Variants in ZBTB17 observed in about 807,000 individuals in gnomAD.
ZBTB17 encodes zinc finger and BTB domain-containing protein 17.
In ZBTB17, 24 loss-of-function variants were observed where a neutral mutation model predicts 85.1. The ratio of observed to expected loss-of-function variants is 0.28; its 90% CI spans 0.20 to 0.40. The LOEUF (loss-of-function observed/expected upper bound fraction) is 0.40. Ranked by LOEUF, ZBTB17 falls within the 10% of genes least tolerant of loss-of-function variation. ZBTB17 has a pLI of 1.00. For missense variants in ZBTB17, 743 were observed against 1,105.1 expected (o/e 0.67, Z 4.65); for synonymous variants, 464 against 460.2 (o/e 1.01, Z -0.11).
intron 2 of ZBTB17, among the ~76,000 whole-genome samples, chr1:15,959,527 G>A (rs1041995567): frequency 1.4e-4 from 18 of 132,550 alleles, no homozygotes; most frequent in African/African-American, 5.8e-4. Context: ...GAGGGAGGGA[G>A]GGAGGAAGGG....
chr1:15,945,322 C>G, intron 6 of ZBTB17, 120 bp from the exon 7 acceptor site: 1 of 1,455,454 alleles, frequency 6.9e-7, no homozygotes, highest in Non-Finnish European at 9.0e-7. Flanking sequence ...GGAAAGCCCC[C>G]GGGGGGGCCT....
At chr1:15,943,365 G>A in intron 12 of ZBTB17, 34 bp downstream of exon 12, 1 of 1,581,458 alleles carries the variant, frequency 6.3e-7, no homozygotes, top group East Asian at 2.2e-5. Flanking sequence ...ACTGTGGGGT[G>A]TCTGGCCAGT....
intron 3 of ZBTB17, 181 bp from the exon 4 acceptor site, chr1:15,947,304 C>G (rs1167615125): frequency 3.2e-6 from 2 of 630,684 alleles, no homozygotes; most frequent in Admixed American, 5.9e-5. Flanking sequence ...GCACTACCAA[C>G]AGCCCTTGAA....
intron 2 of ZBTB17, among the ~76,000 whole-genome samples, chr1:15,971,489 CACT>C (rs2072670592): frequency 2.6e-5 from 2 of 78,174 alleles, no homozygotes; most frequent in African/African-American, 4.7e-5. Context: ...TATATACACA[CACT>C]ATATATATAT....
intron 1 of ZBTB17, among the ~76,000 whole-genome samples, chr1:15,974,526 A>G (rs543563297): frequency 1.3e-5 from 2 of 151,348 alleles, no homozygotes; most frequent in African/African-American, 4.8e-5. Flanking sequence ...AAAGTCCTTA[A>G]CTAGGTTTAC....
rs768031078 is a variant in ZBTB17, at chr1:15,944,713, G to T, written c.1054C>A (p.His352Asn). The T allele has an allele frequency of 6.2e-7, 1 of 1,609,558 alleles. No individual in the cohort carries two copies. Among genetic ancestry groups the T allele is most frequent in the South Asian group, 1.1e-5 (1 of 91,080 alleles). Residue 352 changes from histidine (H) to asparagine (N), a missense_variant, in exon 8 of 16, where the codon CAT (histidine) becomes AAT (asparagine). Coordinates refer to ENST00000375743, the MANE Select transcript of ZBTB17 (RefSeq NM_003443.3). ...GGGCAGTACCTGTGCGTCTTCTCATGGGCCTTGCACGCGGCCGGGTCGGAA... is the reference window on the plus strand; with the variant it reads ...GGGCAGTACCTGTGCGTCTTCTCATTGGCCTTGCACGCGGCCGGGTCGGAA... ...AFSDPAACKA[H>N]EKTHSPLKPY...
intron 2 of ZBTB17, among the ~76,000 whole-genome samples, chr1:15,955,153 C>T (rs2072001537): frequency 6.6e-6 from 1 of 152,062 alleles, no homozygotes; most frequent in Non-Finnish European, 1.5e-5. Flanking sequence ...GACTCTGTCT[C>T]CAAAAACAAA....
intron 2 of ZBTB17, among the ~76,000 whole-genome samples, chr1:15,962,950 TA>T: frequency 6.6e-6 from 1 of 151,608 alleles, no homozygotes; most frequent in South Asian, 2.1e-4. Context: ...ACCCTGTTTC[TA>T]AAAAAAATAA....
chr1:15,945,859 G>T lies in ZBTB17; in HGVS notation c.536-19C>A. 6.3e-7 allele frequency: 1 copy of T among 1,583,986 alleles called. No homozygotes were observed. The highest frequency in any genetic ancestry group is 8.6e-7 in the Non-Finnish European group (1 of 1,169,302). On this transcript the variant is annotated intron_variant, in intron 5 of 15. Coordinates refer to ENST00000375743, the MANE Select transcript of ZBTB17 (RefSeq NM_003443.3). ...TCTGCACCTGGGTGGGGGAAGCACC[G>T]GAGGCTGGATTGCTACCCTCTGCCC...
chr1:15,943,310 G>T, intron 12 of ZBTB17, 89 bp downstream of exon 12: 2 of 1,590,824 alleles, frequency 1.3e-6, no homozygotes, highest in Admixed American at 3.4e-5. Flanking sequence ...GCAGCAGTCA[G>T]CTCAGTCCCC....
rs944092679 is a variant in ZBTB17, at chr1:15,954,743, C to T, written c.-2-6246G>A. On this transcript the variant is annotated intron_variant, in intron 2 of 15. Transcript: ENST00000375743. ...GCACACACCTGTGGTTCCAGCCACT[C>T]GGGAGGCTGAGACAGGAGGACAGAT... Among the ~76,000 whole-genome samples the T allele has an allele frequency of 6.6e-5, 10 of 152,198 alleles. 1 individual carries two copies. The East Asian group carries it at 9.7e-4, about 15-fold the overall frequency.
Position 15,943,058 on chromosome 1 carries a change from G to C in ZBTB17, c.1828+6C>G, listed in dbSNP as rs1331071818. ...AGGAACAGGCATGGTAGGGGCCACA[G>C]CTCACCAGTGTGAATGATGATGTGC... On this transcript the variant is annotated splice_donor_region_variant and intron_variant, in intron 13 of 15. Transcript: ENST00000375743. 4 of 1,613,974 alleles carry C rather than the reference G, an allele frequency of 2.5e-6. No individual in the cohort carries two copies. The African/African-American group carries it at 5.3e-5, about 22-fold the overall frequency.
intron 2 of ZBTB17, among the ~76,000 whole-genome samples, chr1:15,963,260 C>A (rs979671366): frequency 6.6e-6 from 1 of 152,122 alleles, no homozygotes; most frequent in Non-Finnish European, 1.5e-5. Context: ...AATTCTCCCA[C>A]CGCAAACAGC....
rs1455949249 is a variant in ZBTB17, at chr1:15,965,287, C to T, written c.-3+7752G>A. ...ACTAACAAAATGTCTACAAACCACC[C>T]AATAGAAAAATGAGCAAGACAATCT... On this transcript the variant is annotated intron_variant, in intron 2 of 15. Transcript: ENST00000375743. 2.0e-5 allele frequency among the ~76,000 whole-genome samples: 3 copies of T among 151,924 alleles called. No individual in the cohort carries two copies. In the East Asian group the frequency reaches 5.8e-4, roughly 29 times the overall value.
chr1:15,948,532 G>A, intron 2 of ZBTB17, 35 bp from the exon 3 acceptor site: 1 of 1,597,248 alleles, frequency 6.3e-7, no homozygotes, highest in African/African-American at 1.3e-5. Context: ...GGTTAGCACG[G>A]AGAAAGGACG....
At chr1:15,954,356 G>A (rs2071970794) in intron 2 of ZBTB17, among the ~76,000 whole-genome samples, 1 of 152,186 alleles carries the variant, frequency 6.6e-6, no homozygotes. Flanking sequence ...ATTAAGCCAG[G>A]AAGCAACTGG....
Position 15,943,712 on chromosome 1 carries a change from T to C in ZBTB17, c.1463A>G (p.Asn488Ser). 1 of 1,613,130 alleles carries C rather than the reference T, an allele frequency of 6.2e-7. No homozygotes were observed. Among genetic ancestry groups the C allele is most frequent in the Non-Finnish European group, 8.5e-7 (1 of 1,179,892 alleles). The change falls in exon 11 of 16, where the codon AAC becomes AGC. Residue 488 changes from asparagine (N) to serine (S), a missense_variant. Around this residue, in one of 4 missense-constraint regions of ZBTB17, gnomAD observed 321 missense variants for 615.7 expected, o/e 0.52. Coordinates refer to ENST00000375743, the MANE Select transcript of ZBTB17 (RefSeq NM_003443.3). ...ECGKQFTTSG[N>S]LKRHLRIHSG... Reference sequence around the variant, plus strand: ...GTGGATCCGAAGGTGCCGCTTCAGGTTCCCTGTGGCGAGACCGAGGGCGAA... The same window carrying C: ...GTGGATCCGAAGGTGCCGCTTCAGGCTCCCTGTGGCGAGACCGAGGGCGAA...
intron 2 of ZBTB17, among the ~76,000 whole-genome samples, chr1:15,959,508 A>AGAGGGAGGGAGGGAGG (rs71003220): frequency 2.8e-5 from 3 of 105,898 alleles, no homozygotes; most frequent in African/African-American, 1.1e-4. Context: ...AAGAGGGAGG[A>AGAGGGAGGGAGGGAGG]GAGGGAGGGA....
chr1:15,952,938 T>A lies in ZBTB17; in HGVS notation c.-2-4441A>T, dbSNP rs931118544. 1 of 152,094 alleles carries A rather than the reference T, an allele frequency of 6.6e-6. No homozygotes were observed. Among genetic ancestry groups the A allele is most frequent in the African/African-American group, 2.4e-5 (1 of 41,368 alleles). 9.4% of individuals were successfully genotyped at this position (152,094 alleles called of 1,614,324 possible). On this transcript the variant is annotated intron_variant, in intron 2 of 15. Transcript: ENST00000375743. This position sits in a 1 kb window ranked among gnomAD's most constrained non-coding sequence, Gnocchi z 4.3. ...TGACTTATGCCACTGGGTTTTGGGGTGCTGTGCTGTGCAGCAGGAGATAAC... is the reference window on the plus strand; with the variant it reads ...TGACTTATGCCACTGGGTTTTGGGGAGCTGTGCTGTGCAGCAGGAGATAAC...
Sources: gnomAD v4.1 joint callset for allele counts (sites outside exome capture counted in the v4.1 genomes callset) on GRCh38, gnomAD v4.1.1 for gene constraint, gnomAD v4.1.1 regional missense constraint, Gnocchi (gnomAD v3.1) non-coding constraint, MANE v1.5 for transcripts, NCBI Gene and HGNC (gene_info 2026-07-23, HGNC 2026-07-21) for gene names.